CLOCK: variants seen among roughly 807,000 people sequenced by gnomAD.
CLOCK encodes clock circadian regulator.
A neutral mutation model predicts 118.4 loss-of-function variants in CLOCK; 43 were observed. The ratio of observed to expected loss-of-function variants is 0.36; its 90% CI spans 0.28 to 0.47. The LOEUF is 0.47. CLOCK is among the 20% of genes least tolerant of loss of function. CLOCK has a pLI of 1.00. For synonymous variants in CLOCK, 326 were observed against 339.2 expected, an observed-to-expected ratio of 0.96 and a Z score of 0.43; for missense variants, 846 against 999.9, an observed-to-expected ratio of 0.85 and a Z score of 2.08.
chr4:55,503,978 TAAAAAAA>T (rs60471915), intron 2 of CLOCK, among the ~76,000 whole-genome samples: 1 of 71,130 alleles, frequency 1.4e-5, no homozygotes. Context: ...CAAAAAGAGG[TAAAAAAA>T]AAAAAAAAAA....
chr4:55,540,733 G>C (rs1731217181), intron 1 of CLOCK: 1 of 152,256 alleles, frequency 6.6e-6, no homozygotes, highest in Admixed American at 6.5e-5. Flanking sequence ...CGCACGTGGA[G>C]TGGAGAGGGA....
chr4:55,526,012 T>C (rs1019392354), intron 1 of CLOCK, among the ~76,000 whole-genome samples: 3 of 152,148 alleles, frequency 2.0e-5, no homozygotes, highest in Non-Finnish European at 4.4e-5. Context: ...TTTTGAGCAA[T>C]GACATGACAC....
intron 11 of CLOCK, among the ~76,000 whole-genome samples, chr4:55,457,776 A>G (rs572867516): frequency 2.6e-4 from 40 of 152,184 alleles, no homozygotes; most frequent in African/African-American, 8.7e-4. Flanking sequence ...GGGCTTTGAG[A>G]AAAAAACAAT....
chr4:55,544,627 A>G (rs1271569858), intron 1 of CLOCK, among the ~76,000 whole-genome samples: 1 of 152,244 alleles, frequency 6.6e-6, no homozygotes, highest in Non-Finnish European at 1.5e-5. Flanking sequence ...CATATTGAAA[A>G]TGACTCAAAT....
At position 55,482,741 on chromosome 4, in the gene CLOCK, G is replaced by A; in HGVS notation, c.45C>T (p.Asp15=). The change falls in exon 4 of 23, where the codon GAC becomes GAT. Residue 15 remains aspartate (D), a splice_region_variant and synonymous_variant. Transcript: ENST00000513440. ...VSCSKMSSIV[D]RDDSSIFDGL... is the part of the protein sequence containing the mutation. ...AAAATAAGTCTTCAAAAACATACCT[G>A]TCAACAATCGAGCTCATTTTACTAC... The A allele has an allele frequency of 1.2e-6, 2 of 1,604,234 alleles. No individual in the cohort carries two copies. Among genetic ancestry groups the A allele is most frequent in the South Asian group, 2.2e-5 (2 of 89,478 alleles).
chr4:55,459,143 C>T lies in CLOCK; in HGVS notation c.673+5G>A. 6.5e-7 allele frequency: 1 copy of T among 1,539,570 alleles called. No individual in the cohort carries two copies. On this transcript the variant is annotated splice_donor_5th_base_variant and intron_variant, in intron 10 of 22. Transcript: ENST00000513440. The stretch of plus-strand genomic sequence containing the variant: ...ACACATTGTGAGAGAAGCATTTTAA[C>T]TCACCACTGTTTAAAGATTTGAAAT...
intron 2 of CLOCK, among the ~76,000 whole-genome samples, chr4:55,498,337 C>T (rs911728050): frequency 2.6e-5 from 4 of 151,934 alleles, no homozygotes; most frequent in African/African-American, 7.3e-5. Context: ...CAAGTAGGCC[C>T]GGCAAATTCA....
chr4:55,495,590 C>T (rs996847938), intron 2 of CLOCK, among the ~76,000 whole-genome samples: 3 of 152,048 alleles, frequency 2.0e-5, no homozygotes. Context: ...CATTCACAAA[C>T]CCCAGGATAA....
intron 14 of CLOCK, 166 bp from the exon 15 acceptor site, chr4:55,453,295 A>C (rs949297562): frequency 5.4e-5 from 33 of 611,008 alleles, no homozygotes; most frequent in African/African-American, 5.4e-4. Flanking sequence ...TTTAACTTGC[A>C]TTTTTCTAGG....
intron 1 of CLOCK, among the ~76,000 whole-genome samples, chr4:55,522,132 C>T (rs1169937022): frequency 6.6e-6 from 1 of 152,116 alleles, no homozygotes; most frequent in Non-Finnish European, 1.5e-5. Context: ...ATTCCAAGTG[C>T]TTCAGACCCA....
chr4:55,488,019 C>G (rs936353871), intron 3 of CLOCK, among the ~76,000 whole-genome samples: 2 of 152,180 alleles, frequency 1.3e-5, no homozygotes, highest in African/African-American at 4.8e-5. Context: ...ATTCTTTCAT[C>G]ACTCTTAATT....
chr4:55,444,005 C>A, intron 19 of CLOCK, 109 bp from the exon 20 acceptor site: 1 of 888,904 alleles, frequency 1.1e-6, no homozygotes. Context: ...AAGCAAGTAA[C>A]AAGGCTAAGT....
intron 13 of CLOCK, among the ~76,000 whole-genome samples, chr4:55,455,446 T>C (rs1005869190): frequency 9.2e-5 from 14 of 152,184 alleles, no homozygotes; most frequent in Admixed American, 3.9e-4. Context: ...CAAAGGATGA[T>C]AATGCTCCTG....
At chr4:55,465,158 G>C (rs1725651353) in intron 8 of CLOCK, among the ~76,000 whole-genome samples, 1 of 152,160 alleles carries the variant, frequency 6.6e-6, no homozygotes, top group Non-Finnish European at 1.5e-5. Context: ...GGTTGTGTCT[G>C]TACTGAATAC....
In CLOCK at chr4:55,515,846, G is replaced by A. The variant is rs533600386; in HGVS notation, c.-289-5781C>T. Reference sequence around the variant, plus strand: ...CTAGGCATTCCATTTGTTGCATCCCGCATATTTTGTTAAGTTGTTTTCATT... The same window carrying A: ...CTAGGCATTCCATTTGTTGCATCCCACATATTTTGTTAAGTTGTTTTCATT... On this transcript the variant is annotated intron_variant, in intron 1 of 22. Transcript: ENST00000513440. 3.9e-4 allele frequency among the ~76,000 whole-genome samples: 59 copies of A among 152,076 alleles called. 2 individuals carry two copies. In the South Asian group the frequency reaches 0.011, roughly 27 times the overall value.
At chr4:55,439,537 G>A (rs1723172190) in intron 21 of CLOCK, among the ~76,000 whole-genome samples, 1 of 151,884 alleles carries the variant, frequency 6.6e-6, no homozygotes, top group African/African-American at 2.4e-5. Flanking sequence ...ATGAAAGCAG[G>A]GACTCAAAGA....
chr4:55,482,726 T>G lies in CLOCK; in HGVS notation c.47+13A>C. 1 of 1,581,236 alleles carries G rather than the reference T, an allele frequency of 6.3e-7. No homozygotes were observed. The highest frequency in any genetic ancestry group is 8.7e-7 in the Non-Finnish European group (1 of 1,155,592). On this transcript the variant is annotated intron_variant, in intron 4 of 22. Transcript: ENST00000513440. The stretch of plus-strand genomic sequence containing the variant: ...AATTATATATAACTTAAAATAAGTC[T>G]TCAAAAACATACCTGTCAACAATCG...
rs1338937962 is a variant in CLOCK at position 55,431,650 on chromosome 4, A to G, written c.*3765T>C. On this transcript the variant is annotated 3_prime_UTR_variant, in exon 23 of 23. Coordinates refer to ENST00000513440, the MANE Select transcript of CLOCK (RefSeq NM_004898.4). ...GGCCACAGGTAATTGGAAAGGTTAT[A>G]GACTTGAATGCGTTTTACACAAATA... The G allele has an allele frequency of 6.6e-6, 1 of 152,252 alleles. No homozygotes were observed. The highest frequency in any genetic ancestry group is 1.5e-5 in the Non-Finnish European group (1 of 68,044). The allele number at this position is 152,252 out of a possible 1,614,324, so 9.4% of individuals were successfully genotyped here.
chr4:55,462,186 A>C (rs1725389527), intron 9 of CLOCK, among the ~76,000 whole-genome samples: 1 of 152,180 alleles, frequency 6.6e-6, no homozygotes, highest in Non-Finnish European at 1.5e-5. Flanking sequence ...CTTTCTGCCA[A>C]AGGCTTTTAT....
Sources: allele counts gnomAD v4.1 joint callset (sites outside exome capture counted in the v4.1 genomes callset), GRCh38; gene constraint gnomAD v4.1.1; transcripts MANE v1.5; gene names NCBI Gene and HGNC (gene_info 2026-07-23, HGNC 2026-07-21).